LMBR1: variants seen among roughly 807,000 people sequenced by gnomAD.
LMBR1 encodes limb development membrane protein 1, also known as limb region 1 protein homolog.
LMBR1 carries 52 observed loss-of-function variants against 73.9 expected under a neutral mutation model. The observed-to-expected ratio is 0.70, with a 90% confidence interval of 0.56 to 0.89. The LOEUF is 0.89. Among genes scored for constraint, LMBR1 ranks in the 40% least tolerant of loss-of-function variants. The pLI, the probability that LMBR1 is intolerant of heterozygous loss-of-function variation, is 0.00. For missense variants in LMBR1, 539 were observed against 579.8 expected, an observed-to-expected ratio of 0.93 and a Z score of 0.72; for synonymous variants, 215 against 209.4, an observed-to-expected ratio of 1.03 and a Z score of -0.23.
Position 156,670,353 on chromosome 7 carries a change from G to A in LMBR1, n.867-1066C>T, listed in dbSNP as rs1268126197. 1.3e-5 allele frequency among the ~76,000 whole-genome samples: 2 copies of A among 152,204 alleles called. No homozygotes were observed. The highest frequency in any genetic ancestry group is 4.8e-5 in the African/African-American group (2 of 41,446). ...GAGTCAGGTCTGCAAGGGGGGCCCT[G>A]CGTTTTGCATCCCCTGGAAAGCGGG... On this transcript the variant is annotated intron_variant and non_coding_transcript_variant, in intron 4 of 4. Transcript: ENST00000430825. This position sits in a 1 kb window ranked among gnomAD's most constrained non-coding sequence, Gnocchi z 4.3.
downstream of LMBR1, chr7:156,676,718 C>G: frequency 8.2e-7 from 1 of 1,220,256 alleles, no homozygotes; most frequent in Non-Finnish European, 1.2e-6. Context: ...TTTGGATGAA[C>G]TGCATGAGTT....
chr7:156,753,627 C>T (rs986875467), intron 9 of LMBR1, among the ~76,000 whole-genome samples: 7 of 152,006 alleles, frequency 4.6e-5, no homozygotes, highest in Admixed American at 1.3e-4. Flanking sequence ...AGACACAGGG[C>T]GCAAGGAACC....
chr7:156,806,596 T>C (rs111633231), intron 4 of LMBR1, among the ~76,000 whole-genome samples: 4,337 of 139,808 alleles, frequency 0.031, 118 homozygotes, highest in South Asian at 0.082. Flanking sequence ...TTTTTGTAGA[T>C]GCTTTTTTTT....
At chr7:156,740,609 G>C (rs1221779112) in intron 9 of LMBR1, among the ~76,000 whole-genome samples, 2 of 152,096 alleles carry the variant, frequency 1.3e-5, no homozygotes, top group Non-Finnish European at 2.9e-5. Flanking sequence ...AAAGTGCTGA[G>C]GGAAAAACAC....
At chr7:156,815,275 T>C (rs1005400375) in intron 4 of LMBR1, among the ~76,000 whole-genome samples, 15 of 152,062 alleles carry the variant, frequency 9.9e-5, no homozygotes, top group African/African-American at 3.6e-4. Flanking sequence ...CTCAACCCTT[T>C]CCTTAAAGAA....
At chr7:156,835,835 G>C (rs2133913684) in intron 2 of LMBR1, among the ~76,000 whole-genome samples, 1 of 152,156 alleles carries the variant, frequency 6.6e-6, no homozygotes, top group East Asian at 1.9e-4. Flanking sequence ...CTCTAAAAAT[G>C]ATCTAATAAA....
chr7:156,717,657 T>C (rs1012775058), intron 15 of LMBR1, among the ~76,000 whole-genome samples: 4 of 152,200 alleles, frequency 2.6e-5, no homozygotes, highest in African/African-American at 9.7e-5. Flanking sequence ...TCTGTAACTC[T>C]CTTTTGGTTT....
chr7:156,729,448 G>T, intron 10 of LMBR1, among the ~76,000 whole-genome samples: 1 of 148,618 alleles, frequency 6.7e-6, no homozygotes. Context: ...AATGAATAAA[G>T]TTATATGAAT....
At chr7:156,746,315 T>C (rs1318479679) in intron 9 of LMBR1, among the ~76,000 whole-genome samples, 1 of 152,132 alleles carries the variant, frequency 6.6e-6, no homozygotes, top group East Asian at 1.9e-4. Context: ...AGCTGAAGGG[T>C]AGAAAAAATA....
chr7:156,712,879 T>G (rs539469012), intron 15 of LMBR1, among the ~76,000 whole-genome samples: 72 of 152,216 alleles, frequency 4.7e-4, no homozygotes, highest in Admixed American at 7.8e-4. Context: ...GGGGGGAGGC[T>G]GGACGATGAG....
At chr7:156,706,158 TAA>T (rs35109142) in intron 15 of LMBR1, among the ~76,000 whole-genome samples, 5 of 133,428 alleles carry the variant, frequency 3.7e-5, no homozygotes, top group African/African-American at 8.3e-5. Flanking sequence ...CAAAAACAGT[TAA>T]AAAAAAAAAA....
Position 156,694,273 on chromosome 7 carries a change from T to C in LMBR1, c.1226-6082A>G, listed in dbSNP as rs974810242. 2.6e-5 allele frequency among the ~76,000 whole-genome samples: 4 copies of C among 152,100 alleles called. 1 individual carries two copies. Among genetic ancestry groups the C allele is most frequent in the Non-Finnish European group, 4.4e-5 (3 of 68,014 alleles). On this transcript the variant is annotated intron_variant, in intron 15 of 16. Coordinates refer to ENST00000353442, the MANE Select transcript of LMBR1 (RefSeq NM_022458.4). Reference sequence around the variant, plus strand: ...TCAGCCTTCCAGGTAGTTGGGACTATAGGCGCATGCCACCATGCCAGGCTA... The same window carrying C: ...TCAGCCTTCCAGGTAGTTGGGACTACAGGCGCATGCCACCATGCCAGGCTA...
At chr7:156,815,478 G>C (rs1585986362) in intron 4 of LMBR1, among the ~76,000 whole-genome samples, 1 of 152,164 alleles carries the variant, frequency 6.6e-6, no homozygotes, top group Non-Finnish European at 1.5e-5. Flanking sequence ...GATATTCTAA[G>C]TTTTCTGTAA....
At chr7:156,706,659 T>TA (rs966646119) in intron 15 of LMBR1, among the ~76,000 whole-genome samples, 4 of 150,444 alleles carry the variant, frequency 2.7e-5, no homozygotes, top group South Asian at 2.1e-4. Context: ...AGTCAGAAAT[T>TA]AAAAAAAAAA....
intron 1 of LMBR1, among the ~76,000 whole-genome samples, chr7:156,875,906 TAA>T (rs200997034): frequency 0.45 from 63,067 of 141,146 alleles, 13,526 homozygotes; most frequent in East Asian, 0.62. Flanking sequence ...AAAATACAAT[TAA>T]AAAAAAAAAA....
intron 4 of LMBR1, among the ~76,000 whole-genome samples, chr7:156,815,908 A>T (rs1563434695): frequency 6.6e-6 from 1 of 152,010 alleles, no homozygotes; most frequent in Non-Finnish European, 1.5e-5. Context: ...TAAAAGGGAC[A>T]TGTATGATTA....
chr7:156,696,013 A>G (rs567217693), intron 15 of LMBR1, among the ~76,000 whole-genome samples: 24 of 152,306 alleles, frequency 1.6e-4, no homozygotes, highest in Non-Finnish European at 2.5e-4. Flanking sequence ...ACCAGTATGG[A>G]AAAAAACCCC....
At chr7:156,748,913 A>C (rs1249111609) in intron 9 of LMBR1, among the ~76,000 whole-genome samples, 1 of 152,210 alleles carries the variant, frequency 6.6e-6, no homozygotes, top group East Asian at 1.9e-4. Flanking sequence ...ATATTAGCAT[A>C]TATCTCTGGC....
chr7:156,883,091 T>C (rs561381784), intron 1 of LMBR1, among the ~76,000 whole-genome samples: 1 of 143,700 alleles, frequency 7.0e-6, no homozygotes, highest in Admixed American at 7.0e-5. Flanking sequence ...CTTACTGCAA[T>C]ACAATCAAGT....
Sources: gnomAD v4.1 joint callset for allele counts (sites outside exome capture counted in the v4.1 genomes callset) on GRCh38, gnomAD v4.1.1 for gene constraint, Gnocchi (gnomAD v3.1) non-coding constraint, MANE v1.5 for transcripts, NCBI Gene and HGNC (gene_info 2026-07-23, HGNC 2026-07-21) for gene names.